Variants in CNTNAP2 observed in about 807,000 individuals in gnomAD.
The protein encoded by CNTNAP2 is contactin associated protein 2, also known as contactin-associated protein-like 2.
CNTNAP2 carries 98 observed loss-of-function variants against 155.2 expected under a neutral mutation model. The observed-to-expected ratio is 0.63, with a 90% CI of 0.54 to 0.75. The LOEUF is 0.75. Among genes scored for constraint, CNTNAP2 ranks in the 30% least tolerant of loss-of-function variants. CNTNAP2 has a pLI of 0.00. For synonymous variants in CNTNAP2, 651 were observed against 631.2 expected (o/e 1.03, Z -0.47); for missense variants, 1,727 against 1,688.1 (o/e 1.02, Z -0.40).
At chr7:146,150,828 AT>A (rs1055345699) in intron 1 of CNTNAP2, among the ~76,000 whole-genome samples, 2 of 152,158 alleles carry the variant, frequency 1.3e-5, no homozygotes, top group African/African-American at 4.8e-5. Context: ...AATCTTTATT[AT>A]TTTTTGTAAT....
intron 8 of CNTNAP2, among the ~76,000 whole-genome samples, chr7:147,235,062 C>A (rs1402236164): frequency 6.6e-6 from 1 of 152,142 alleles, no homozygotes; most frequent in Non-Finnish European, 1.5e-5. Flanking sequence ...CTGAGTAAAG[C>A]AGAAGGGGCT....
intron 1 of CNTNAP2, among the ~76,000 whole-genome samples, chr7:146,350,284 C>CA (rs1263529952): frequency 2.6e-5 from 4 of 152,028 alleles, no homozygotes; most frequent in Non-Finnish European, 5.9e-5. Flanking sequence ...ACTCATCTGA[C>CA]AAAGGGCTAA....
chr7:146,163,277 T>G (rs1435807893), intron 1 of CNTNAP2, among the ~76,000 whole-genome samples: 1 of 151,568 alleles, frequency 6.6e-6, no homozygotes, highest in Non-Finnish European at 1.5e-5. Flanking sequence ...AAATATCATC[T>G]AAAAGGAAAG....
At chr7:146,738,466 T>C (rs1801657054) in intron 1 of CNTNAP2, among the ~76,000 whole-genome samples, 1 of 152,068 alleles carries the variant, frequency 6.6e-6, no homozygotes, top group African/African-American at 2.4e-5. Flanking sequence ...GTAGATTTTC[T>C]CTTCGTTTTG....
At chr7:147,786,987 G>T (rs1050586919) in intron 13 of CNTNAP2, among the ~76,000 whole-genome samples, 8 of 151,512 alleles carry the variant, frequency 5.3e-5, no homozygotes, top group African/African-American at 1.9e-4. Flanking sequence ...AAAGAAGGGA[G>T]GGAGGGAGGA....
chr7:147,173,225 G>T (rs1802267288), intron 8 of CNTNAP2, among the ~76,000 whole-genome samples: 1 of 151,800 alleles, frequency 6.6e-6, no homozygotes, highest in Admixed American at 6.6e-5. Context: ...ATTTAAAAAT[G>T]GATTTCTTAA....
intron 15 of CNTNAP2, among the ~76,000 whole-genome samples, chr7:147,990,438 GT>G (rs1228469255): frequency 6.6e-6 from 1 of 152,090 alleles, no homozygotes. Context: ...GGCTTGGACT[GT>G]TTCTGTGTGG....
At chr7:148,164,893 C>G (rs1163429910) in intron 17 of CNTNAP2, among the ~76,000 whole-genome samples, 1 of 151,764 alleles carries the variant, frequency 6.6e-6, no homozygotes, top group African/African-American at 2.4e-5. Context: ...GGTGATCCAC[C>G]TGCCTCGGTC....
At chr7:146,222,551 T>TGTGTGC (rs1436433878) in intron 1 of CNTNAP2, among the ~76,000 whole-genome samples, 2 of 151,208 alleles carry the variant, frequency 1.3e-5, no homozygotes, top group African/African-American at 4.9e-5. Context: ...AGTGTGTGTG[T>TGTGTGC]GTGTGTGTGT....
At chr7:147,789,937 C>A (rs535624428) in intron 13 of CNTNAP2, among the ~76,000 whole-genome samples, 147 of 152,312 alleles carry the variant, frequency 9.7e-4, no homozygotes, top group Admixed American at 3.3e-3. Flanking sequence ...TGGGACTGAG[C>A]CACTATTGGC....
intron 8 of CNTNAP2, among the ~76,000 whole-genome samples, chr7:147,195,714 T>A (rs975600527): frequency 6.6e-6 from 1 of 152,140 alleles, no homozygotes; most frequent in Non-Finnish European, 1.5e-5. Context: ...GCTTTCTGCT[T>A]GTCTATTGTT....
chr7:147,271,803 G>A (rs2116705961), intron 8 of CNTNAP2, among the ~76,000 whole-genome samples: 1 of 152,224 alleles, frequency 6.6e-6, no homozygotes, highest in Admixed American at 6.5e-5. Context: ...TGGAATTTTG[G>A]GAGCTACAGT....
intron 3 of CNTNAP2, among the ~76,000 whole-genome samples, chr7:146,950,998 AG>A (rs1287898111): frequency 5.5e-4 from 84 of 152,268 alleles, no homozygotes; most frequent in African/African-American, 2.0e-3. Flanking sequence ...AACTGGCGTG[AG>A]ATGGTATCTC....
At chr7:148,402,655 A>T (rs1799614837) in intron 22 of CNTNAP2, among the ~76,000 whole-genome samples, 1 of 152,262 alleles carries the variant, frequency 6.6e-6, no homozygotes, top group Non-Finnish European at 1.5e-5. Flanking sequence ...AAAGAAGCTA[A>T]GAACAAAGGC....
At chr7:146,413,135 G>T (rs2129111527) in intron 1 of CNTNAP2, among the ~76,000 whole-genome samples, 1 of 152,282 alleles carries the variant, frequency 6.6e-6, no homozygotes, top group African/African-American at 2.4e-5. Context: ...AAAGACATGA[G>T]ACTTCTCTAG....
At chr7:148,021,865 G>A (rs1327413469) in intron 15 of CNTNAP2, among the ~76,000 whole-genome samples, 1 of 152,150 alleles carries the variant, frequency 6.6e-6, no homozygotes, top group African/African-American at 2.4e-5. Flanking sequence ...GGTGAGCGTG[G>A]GGAAGGGCAT....
intron 1 of CNTNAP2, among the ~76,000 whole-genome samples, chr7:146,361,872 T>C (rs1795087836): frequency 6.6e-6 from 1 of 152,222 alleles, no homozygotes; most frequent in Non-Finnish European, 1.5e-5. Flanking sequence ...TGAAGTTTTG[T>C]AAGCAAGTGA....
intron 1 of CNTNAP2, among the ~76,000 whole-genome samples, chr7:146,467,357 A>G (rs552370252): frequency 6.6e-6 from 1 of 152,166 alleles, no homozygotes; most frequent in Non-Finnish European, 1.5e-5. Flanking sequence ...TAATTAGTTA[A>G]AATATGCTTG....
At chr7:147,259,526 T>C (rs1017505531) in intron 8 of CNTNAP2, among the ~76,000 whole-genome samples, 2 of 152,214 alleles carry the variant, frequency 1.3e-5, no homozygotes, top group East Asian at 1.9e-4. Flanking sequence ...TTTTAAGATA[T>C]ATGAATTCTT....
Sources: gnomAD v4.1 joint callset for allele counts (sites outside exome capture counted in the v4.1 genomes callset) on GRCh38, gnomAD v4.1.1 for gene constraint, MANE v1.5 for transcripts, NCBI Gene and HGNC (gene_info 2026-07-23, HGNC 2026-07-21) for gene names.